The following MYH11 variants were observed in gnomAD, a reference collection of about 807,000 sequenced individuals.
MYH11 encodes myosin-11.
Under a neutral mutation model 246.6 loss-of-function variants are expected in MYH11, and 80 were observed. The observed-to-expected ratio is 0.32, with a 90% CI of 0.27 to 0.39. The LOEUF is 0.39. Ranked by LOEUF, MYH11 falls within the 10% of genes least tolerant of loss-of-function variation. The pLI is 1.00. For missense variants in MYH11, 2,158 were observed against 2,546.8 expected (o/e 0.85, Z 3.29); for synonymous variants, 1,071 against 1,015.5 (o/e 1.05, Z -1.04).
At chr16:15,827,142 T>A (rs564890507) in intron 2 of MYH11, among the ~76,000 whole-genome samples, 1 of 151,604 alleles carries the variant, frequency 6.6e-6, no homozygotes, top group South Asian at 2.1e-4. Context: ...ATATACCACA[T>A]CTGTGTCAGA....
At chr16:15,773,657 G>A (rs1313369530) in intron 8 of MYH11, among the ~76,000 whole-genome samples, 1 of 152,120 alleles carries the variant, frequency 6.6e-6, no homozygotes. Context: ...GTCCCCTGTT[G>A]TTTTTGTAAA....
chr16:15,806,827 A>T (rs2043025036), intron 3 of MYH11, among the ~76,000 whole-genome samples: 1 of 152,102 alleles, frequency 6.6e-6, no homozygotes, highest in Non-Finnish European at 1.5e-5. Context: ...TGTTATTTTG[A>T]ATTGCTCTCT....
intron 7 of MYH11, among the ~76,000 whole-genome samples, chr16:15,778,304 C>T (rs990262553): frequency 2.0e-5 from 3 of 152,192 alleles, no homozygotes; most frequent in South Asian, 2.1e-4. Flanking sequence ...TCTAAGAGGA[C>T]GACAGGTCCA....
intron 10 of MYH11, 58 bp downstream of exon 10, chr16:15,763,738 A>AGCTCGGGCCCCCCCCC: frequency 1.4e-6 from 1 of 717,694 alleles, no homozygotes; most frequent in Non-Finnish European, 2.6e-6. Flanking sequence ...GTTAAATGTC[A>AGCTCGGGCCCCCCCCC]CCTCCCCCAC....
chr16:15,829,547 G>GA (rs1231863421), intron 2 of MYH11, among the ~76,000 whole-genome samples: 2 of 152,134 alleles, frequency 1.3e-5, no homozygotes, highest in Non-Finnish European at 2.9e-5. Context: ...AGTTGGCTGT[G>GA]TTTCTGCCTC....
At chr16:15,726,636 G>C in intron 28 of MYH11, 1 of 632,358 alleles carries the variant, frequency 1.6e-6, no homozygotes. Context: ...CCAAAGTGCT[G>C]GGATTACAGG....
At chr16:15,782,337 G>T in intron 6 of MYH11, 48 bp downstream of exon 6, 4 of 1,538,022 alleles carry the variant, frequency 2.6e-6, no homozygotes, top group Non-Finnish European at 3.6e-6. Flanking sequence ...CCAGGCAGGA[G>T]ATGACACCAA....
chr16:15,746,905 T>C (rs1449724426), intron 19 of MYH11, among the ~76,000 whole-genome samples: 1 of 152,098 alleles, frequency 6.6e-6, no homozygotes, highest in African/African-American at 2.4e-5. Context: ...CTGGCCAACA[T>C]GGTGAAACTT....
chr16:15,824,917 G>A (rs1245403063), intron 2 of MYH11, among the ~76,000 whole-genome samples: 1 of 152,128 alleles, frequency 6.6e-6, no homozygotes, highest in Non-Finnish European at 1.5e-5. Context: ...GTGAGGCATG[G>A]TGAGGTTGTC....
intron 9 of MYH11, among the ~76,000 whole-genome samples, chr16:15,770,872 T>A (rs2042083964): frequency 6.6e-6 from 1 of 152,194 alleles, no homozygotes; most frequent in Admixed American, 6.5e-5. Context: ...CCAGCTATGT[T>A]GCTGTCAACA....
At chr16:15,715,369 G>GC (rs2040068938) in intron 38 of MYH11, 97 bp from the exon 39 acceptor site, 1 of 1,092,170 alleles carries the variant, frequency 9.2e-7, no homozygotes, top group Admixed American at 1.8e-5. Context: ...GCTTTCCTGA[G>GC]CCCCGTATCT....
In MYH11 at chr16:15,803,519, C is replaced by A. The variant is rs562936597; in HGVS notation, c.503-4832G>T. Among the ~76,000 whole-genome samples the A allele has an allele frequency of 2.0e-5, 3 of 152,072 alleles. No individual in the cohort carries two copies. In the East Asian group the frequency reaches 5.9e-4, roughly 30 times the overall value. The stretch of plus-strand genomic sequence containing the variant: ...CTCGAACTCCTGACCTCAGGTGATC[C>A]GCCCGCCTCAGCCTCCCAAAGTACT... On this transcript the variant is annotated intron_variant, in intron 3 of 40. Transcript: ENST00000300036.
chr16:15,769,138 C>T (rs975145541), intron 9 of MYH11, among the ~76,000 whole-genome samples: 1 of 152,078 alleles, frequency 6.6e-6, no homozygotes, highest in Non-Finnish European at 1.5e-5. Flanking sequence ...CATGGCGAGA[C>T]CCAGTATCTA....
intron 31 of MYH11, among the ~76,000 whole-genome samples, chr16:15,723,147 A>G (rs1376563033): frequency 6.6e-6 from 1 of 152,236 alleles, no homozygotes; most frequent in East Asian, 1.9e-4. Context: ...TTTGGGTCAT[A>G]CAGGGGTCTC....
At chr16:15,798,637 G>GAAAA in intron 4 of MYH11, 23 bp downstream of exon 4, 1 of 1,319,668 alleles carries the variant, frequency 7.6e-7, no homozygotes, top group Non-Finnish European at 1.0e-6. Flanking sequence ...AAAAAAAACA[G>GAAAA]AAGAAAAAGC....
chr16:15,731,977 T>A (rs569424422), intron 27 of MYH11, among the ~76,000 whole-genome samples: 8 of 151,802 alleles, frequency 5.3e-5, no homozygotes, highest in African/African-American at 9.7e-5. Flanking sequence ...ATTTTATTTT[T>A]TTGAGATGGA....
intron 40 of MYH11, chr16:15,714,541 GT>G: frequency 2.5e-6 from 1 of 396,886 alleles, no homozygotes; most frequent in South Asian, 2.6e-5. Flanking sequence ...CAGGAAGGAG[GT>G]GAAGTGGCGG....
Position 15,750,066 on chromosome 16 carries a change from C to A in MYH11, c.2058+72G>T. 3 of 1,591,476 alleles carry A rather than the reference C, an allele frequency of 1.9e-6. No homozygotes were observed. Among genetic ancestry groups the A allele is most frequent in the Non-Finnish European group, 1.7e-6 (2 of 1,163,568 alleles). On this transcript the variant is annotated intron_variant, in intron 16 of 40. Transcript: ENST00000300036. The surrounding 1 kb of genome is among the most constrained non-coding windows in gnomAD (Gnocchi z 4.3). Reference sequence around the variant, plus strand: ...CGGGGTAGGTGGGGGCAGAGGGCGCCCTGGGGACGCTGTGACCGCTTGGGA... The same window carrying A: ...CGGGGTAGGTGGGGGCAGAGGGCGCACTGGGGACGCTGTGACCGCTTGGGA...
At position 15,748,187 on chromosome 16, in the gene MYH11, G is replaced by T. The variant is rs761839386; in HGVS notation, c.2059-19C>A. 3.7e-6 allele frequency: 6 copies of T among 1,613,002 alleles called. 1 individual carries two copies. The South Asian group carries it at 5.5e-5, about 15-fold the overall frequency. ...TGCCGGACTGCAAAGGTCAAAGAGG[G>T]CAGTGGATCCCTGGGGCCAGAAACC... On this transcript the variant is annotated intron_variant, in intron 16 of 40. Transcript: ENST00000300036.
Sources: gnomAD v4.1 joint callset for allele counts (sites outside exome capture counted in the v4.1 genomes callset) on GRCh38, gnomAD v4.1.1 for gene constraint, Gnocchi (gnomAD v3.1) non-coding constraint, MANE v1.5 for transcripts, NCBI Gene and HGNC (gene_info 2026-07-23, HGNC 2026-07-21) for gene names.